The following TOX2 variants were observed in gnomAD, a reference collection of about 807,000 sequenced individuals.
TOX2 encodes the protein granulosa cell HMG box 1.
Under a neutral mutation model 47.4 loss-of-function variants are expected in TOX2, and 15 were observed. That is an observed-to-expected ratio of 0.32 (90% CI 0.21 to 0.49). TOX2 has a LOEUF of 0.49. TOX2 is among the 20% of genes least tolerant of loss of function. The pLI is 0.99. For missense variants in TOX2, 622 were observed against 673.1 expected (o/e 0.92, Z 0.84); for synonymous variants, 290 against 296.6 (o/e 0.98, Z 0.23).
chr20:44,021,268 A>G (rs2070971204), intron 3 of TOX2, among the ~76,000 whole-genome samples: 1 of 152,064 alleles, frequency 6.6e-6, no homozygotes, highest in Non-Finnish European at 1.5e-5. Flanking sequence ...TTGAGATCAT[A>G]GGAGGACAGA....
chr20:43,967,165 TGACAGTTTCTGTTAA>T (rs1311547366), intron 1 of TOX2, among the ~76,000 whole-genome samples: 2 of 152,066 alleles, frequency 1.3e-5, no homozygotes, highest in Non-Finnish European at 2.9e-5. Flanking sequence ...GTGTGGAAGG[TGACAGTTTCTGTTAA>T]GACAGGGGAG....
intron 3 of TOX2, among the ~76,000 whole-genome samples, chr20:44,036,309 G>A (rs2071238859): frequency 6.6e-6 from 1 of 152,248 alleles, no homozygotes; most frequent in African/African-American, 2.4e-5. Flanking sequence ...CACTGAGGCT[G>A]TGCTGGGCAA....
At position 44,051,545 on chromosome 20, in the gene TOX2, G is replaced by A. The variant is rs1217625396; in HGVS notation, c.651G>A (p.Lys217=). 1 of 1,582,668 alleles carries A rather than the reference G, an allele frequency of 6.3e-7. No individual in the cohort carries two copies. Among genetic ancestry groups the A allele is most frequent in the Non-Finnish European group, 8.6e-7 (1 of 1,161,016 alleles). The change falls in exon 4 of 9, where the codon AAG becomes AAA. Residue 217 remains lysine, a splice_region_variant and synonymous_variant. Coordinates refer to ENST00000341197, the MANE Select transcript of TOX2 (RefSeq NM_001098797.2). ...TQEEESEVHF[K]ISGEKRPSAD... is the part of the protein sequence containing the mutation. ...AAGAGGAGTCGGAAGTGCATTTCAAGGTATGTGCGGTGGAGGAACAGAGCC... is the reference window on the plus strand; with the variant it reads ...AAGAGGAGTCGGAAGTGCATTTCAAAGTATGTGCGGTGGAGGAACAGAGCC...
chr20:43,951,705 A>ATTT lies in TOX2; in HGVS notation c.100-21661_100-21660insTTT, dbSNP rs1212223106. The stretch of plus-strand genomic sequence containing the variant: ...AATGACCATTACTATTAAACTTATT[A>ATTT]TGTTTTTTTTTTTTTTTTTTTTTAG... On this transcript the variant is annotated intron_variant, in intron 1 of 8. Coordinates refer to ENST00000341197, the MANE Select transcript of TOX2 (RefSeq NM_001098797.2). Among the ~76,000 whole-genome samples the ATTT allele has an allele frequency of 7.2e-4, 22 of 30,390 alleles. 1 individual carries two copies. In the East Asian group the frequency reaches 7.2e-3, roughly 10 times the overall value. 19.9% of individuals were successfully genotyped at this position (30,390 alleles called of 152,430 possible).
At chr20:43,980,847 T>C (rs773105583) in intron 2 of TOX2, among the ~76,000 whole-genome samples, 1 of 152,028 alleles carries the variant, frequency 6.6e-6, no homozygotes, top group Non-Finnish European at 1.5e-5. Context: ...TTAATATAAA[T>C]ATAAAAATTA....
chr20:44,027,777 G>A (rs979153451), intron 3 of TOX2, among the ~76,000 whole-genome samples: 7 of 152,176 alleles, frequency 4.6e-5, no homozygotes, highest in South Asian at 2.1e-4. Context: ...TCTGTGTGTC[G>A]GGGGCCAGTG....
intron 3 of TOX2, among the ~76,000 whole-genome samples, chr20:44,011,894 G>A (rs532242950): frequency 6.6e-6 from 1 of 152,358 alleles, no homozygotes; most frequent in Non-Finnish European, 1.5e-5. Flanking sequence ...CTGCTTTGAA[G>A]GTATGGCAGC....
intron 1 of TOX2, among the ~76,000 whole-genome samples, chr20:43,917,291 A>T (rs1430971932): frequency 6.6e-6 from 1 of 152,052 alleles, no homozygotes; most frequent in East Asian, 1.9e-4. Flanking sequence ...TGTGATCAGG[A>T]ACTCCCCTTT....
At chr20:44,011,089 C>G (rs979213874) in intron 3 of TOX2, among the ~76,000 whole-genome samples, 3 of 152,148 alleles carry the variant, frequency 2.0e-5, no homozygotes, top group African/African-American at 7.2e-5. Context: ...CCCTTTGCCC[C>G]TCTTCTAAGG....
At chr20:44,014,955 T>G (rs1423855391) in intron 3 of TOX2, among the ~76,000 whole-genome samples, 1 of 152,072 alleles carries the variant, frequency 6.6e-6, no homozygotes, top group African/African-American at 2.4e-5. Flanking sequence ...GAGTGACAGT[T>G]CCACTGCTTG....
chr20:43,941,564 G>A (rs754511436), intron 1 of TOX2, among the ~76,000 whole-genome samples: 6 of 152,130 alleles, frequency 3.9e-5, no homozygotes, highest in Non-Finnish European at 8.8e-5. Context: ...AACTCCTGAC[G>A]TCATGTGATC....
chr20:43,977,650 C>G lies in TOX2; in HGVS notation c.165+4218C>G, dbSNP rs997240167. On this transcript the variant is annotated intron_variant, in intron 2 of 8. Transcript: ENST00000341197. ...CTCCACATAAATTTTCCCATAGCTG[C>G]TTTAGCTTCTACAAATGATCACACT... Among the ~76,000 whole-genome samples, 5 of 152,154 alleles carry G rather than the reference C, an allele frequency of 3.3e-5. No homozygotes were observed. In the South Asian group the frequency reaches 6.2e-4, roughly 19 times the overall value.
intron 1 of TOX2, among the ~76,000 whole-genome samples, chr20:43,961,213 G>A (rs1600685728): frequency 6.6e-6 from 1 of 152,242 alleles, no homozygotes; most frequent in African/African-American, 2.4e-5. Context: ...GGGCATGAAC[G>A]GTGTGGAAGA....
intron 1 of TOX2, among the ~76,000 whole-genome samples, chr20:43,946,469 A>G (rs2069472406): frequency 6.6e-6 from 1 of 152,178 alleles, no homozygotes; most frequent in South Asian, 2.1e-4. Context: ...GGGCCTTCCA[A>G]GAAGGCAAGA....
At position 43,932,780 on chromosome 20, in the gene TOX2, C is replaced by CT. The variant is rs1569008713; in HGVS notation, c.99+17790_99+17791insT. 3.6e-5 allele frequency among the ~76,000 whole-genome samples: 5 copies of CT among 140,064 alleles called. 1 individual carries two copies. The highest frequency in any genetic ancestry group is 6.1e-5 in the African/African-American group (2 of 32,810). The allele number at this position is 140,064 out of a possible 152,430, so 91.9% of individuals were successfully genotyped here. On this transcript the variant is annotated intron_variant, in intron 1 of 8. Transcript: ENST00000341197. ...GGGTTGGAGAGGGGTTGCTGCCCCC[C>CT]CCCGCCATTTCTGACTGAGGGCAGG...
intron 3 of TOX2, among the ~76,000 whole-genome samples, chr20:44,008,909 C>T (rs546905025): frequency 5.9e-5 from 9 of 152,348 alleles, no homozygotes; most frequent in African/African-American, 1.9e-4. Context: ...TTGATGGCTG[C>T]TGGCAGCCAG....
intron 1 of TOX2, among the ~76,000 whole-genome samples, chr20:43,923,375 G>A (rs1171787218): frequency 6.6e-6 from 1 of 152,232 alleles, no homozygotes; most frequent in Non-Finnish European, 1.5e-5. Context: ...AGTAGCCCAT[G>A]ATAGATACTC....
At chr20:44,028,442 A>G (rs1333176424) in intron 3 of TOX2, among the ~76,000 whole-genome samples, 1 of 152,202 alleles carries the variant, frequency 6.6e-6, no homozygotes, top group Non-Finnish European at 1.5e-5. Context: ...CCCTCGCTGC[A>G]GCGCTTAGAG....
intron 2 of TOX2, among the ~76,000 whole-genome samples, chr20:43,978,795 G>GTGTGTGTGTA (rs1411302561): frequency 6.6e-6 from 1 of 150,450 alleles, no homozygotes; most frequent in Non-Finnish European, 1.5e-5. Flanking sequence ...GTGTGTGTGT[G>GTGTGTGTGTA]TGTATTAGAG....
Sources: allele counts gnomAD v4.1 joint callset (sites outside exome capture counted in the v4.1 genomes callset), GRCh38; gene constraint gnomAD v4.1.1; transcripts MANE v1.5; gene names NCBI Gene and HGNC (gene_info 2026-07-23, HGNC 2026-07-21).